ZBTB16: variants seen among roughly 807,000 people sequenced by gnomAD.
The protein encoded by ZBTB16 is zinc finger and BTB domain-containing protein 16.
Under a neutral mutation model 56.8 loss-of-function variants are expected in ZBTB16, and 8 were observed. That is an observed-to-expected ratio of 0.14 (90% CI 0.08 to 0.25). ZBTB16 has a LOEUF of 0.25. Ranked by LOEUF, ZBTB16 falls within the 10% of genes least tolerant of loss-of-function variation. The probability of loss-of-function intolerance (pLI) is 1.00; values close to 1 mark genes in which losing one functional copy is unlikely to be tolerated. For missense variants in ZBTB16, 625 were observed against 903.0 expected, an observed-to-expected ratio of 0.69 and a Z score of 3.95; for synonymous variants, 363 against 368.5, an observed-to-expected ratio of 0.98 and a Z score of 0.17.
At chr11:114,164,441 C>G (rs776783766) in intron 3 of ZBTB16, among the ~76,000 whole-genome samples, 2 of 152,184 alleles carry the variant, frequency 1.3e-5, no homozygotes, top group African/African-American at 4.8e-5. Context: ...CATTTATTCT[C>G]CTAGTCTCCC....
chr11:114,078,217 TTCA>T (rs1439061405), intron 2 of ZBTB16, among the ~76,000 whole-genome samples: 2 of 152,192 alleles, frequency 1.3e-5, no homozygotes, highest in Non-Finnish European at 2.9e-5. Flanking sequence ...CTGAGAACAT[TTCA>T]TCAAGTGGGT....
At position 114,143,481 on chromosome 11, in the gene ZBTB16, G is replaced by A. The variant is rs956667569; in HGVS notation, c.1269-12856G>A. On this transcript the variant is annotated intron_variant, in intron 2 of 6. Transcript: ENST00000335953. The surrounding 1 kb of genome is among the most constrained non-coding windows in gnomAD (Gnocchi z 6.4). Reference sequence around the variant, plus strand: ...GGAGCTACTGGGGAAGGCTTCTAGGGATGGTACTGACCCTCTTGCCTAGTG... The same window carrying A: ...GGAGCTACTGGGGAAGGCTTCTAGGAATGGTACTGACCCTCTTGCCTAGTG... 1.3e-5 allele frequency among the ~76,000 whole-genome samples: 2 copies of A among 152,312 alleles called. No homozygotes were observed. The highest frequency in any genetic ancestry group is 2.1e-4 in the South Asian group (1 of 4,826).
intron 3 of ZBTB16, among the ~76,000 whole-genome samples, chr11:114,170,691 T>C (rs777902481): frequency 2.6e-5 from 4 of 151,974 alleles, no homozygotes; most frequent in Non-Finnish European, 5.9e-5. Context: ...TCTGGGGTAG[T>C]TGGATTAAAC....
At chr11:114,140,930 C>T (rs1032171215) in intron 2 of ZBTB16, among the ~76,000 whole-genome samples, 3 of 152,202 alleles carry the variant, frequency 2.0e-5, no homozygotes, top group Non-Finnish European at 2.9e-5. Context: ...TCCCTGCCCA[C>T]GCTGAGCCTC....
intron 4 of ZBTB16, among the ~76,000 whole-genome samples, chr11:114,220,864 T>A (rs79492428): frequency 0.014 from 2,161 of 152,314 alleles, 52 homozygotes; most frequent in African/African-American, 0.049. Flanking sequence ...GTGGTGCAGG[T>A]CCTTTATTTC....
chr11:114,205,488 G>A (rs1263160135), intron 4 of ZBTB16, among the ~76,000 whole-genome samples: 1 of 152,038 alleles, frequency 6.6e-6, no homozygotes, highest in Non-Finnish European at 1.5e-5. Context: ...TGGGTCAGAC[G>A]CAATGTTCCC....
rs557118512 is a variant in ZBTB16 at position 114,114,752 on chromosome 11, T to G, written c.1269-41585T>G. Among the ~76,000 whole-genome samples, 1,087 of 151,856 alleles carry G rather than the reference T, an allele frequency of 7.2e-3. 10 individuals are homozygous for G. The highest frequency in any genetic ancestry group is 0.011 in the Non-Finnish European group (724 of 67,944). On this transcript the variant is annotated intron_variant, in intron 2 of 6. Transcript: ENST00000335953. ...TAGAGTGCAGTGGTACAATCTTGGC[T>G]CACTGCAACCTCTGCCTGCCAGGCT...
intron 4 of ZBTB16, among the ~76,000 whole-genome samples, chr11:114,192,052 C>T (rs1365905843): frequency 1.3e-5 from 2 of 152,142 alleles, no homozygotes; most frequent in African/African-American, 4.8e-5. Flanking sequence ...CTGGGCTCAG[C>T]TGGGTGGTTT....
chr11:114,213,436 C>A (rs1944035513), intron 4 of ZBTB16, among the ~76,000 whole-genome samples: 1 of 152,184 alleles, frequency 6.6e-6, no homozygotes, highest in African/African-American at 2.4e-5. Context: ...TCCCTCCATT[C>A]CCATTCACAT....
At chr11:114,150,751 A>C (rs904292731) in intron 2 of ZBTB16, among the ~76,000 whole-genome samples, 1 of 152,136 alleles carries the variant, frequency 6.6e-6, no homozygotes, top group Non-Finnish European at 1.5e-5. Context: ...CTTTCCCTTT[A>C]CTCAATTCTG....
chr11:114,166,970 T>C (rs1942774545), intron 3 of ZBTB16, among the ~76,000 whole-genome samples: 1 of 152,190 alleles, frequency 6.6e-6, no homozygotes, highest in Admixed American at 6.5e-5. Flanking sequence ...CGTGCAATAC[T>C]ATGCATTTTC....
chr11:114,148,469 C>CTCTCTCTTTCTTTCTT (rs36194689), intron 2 of ZBTB16, among the ~76,000 whole-genome samples: 4 of 60,962 alleles, frequency 6.6e-5, no homozygotes, highest in African/African-American at 1.6e-4. Context: ...CTCTCTCTCT[C>CTCTCTCTTTCTTTCTT]TCTTTCTTTC....
chr11:114,132,392 C>G (rs1433528488), intron 2 of ZBTB16, among the ~76,000 whole-genome samples: 4 of 152,188 alleles, frequency 2.6e-5, no homozygotes, highest in Non-Finnish European at 5.9e-5. Flanking sequence ...GCCATGCAGC[C>G]CAAACACACT....
intron 2 of ZBTB16, among the ~76,000 whole-genome samples, chr11:114,136,142 C>T (rs908659372): frequency 6.6e-6 from 1 of 152,230 alleles, no homozygotes; most frequent in African/African-American, 2.4e-5. Context: ...CCTTCTCAAC[C>T]TTCCTTTGCT....
At chr11:114,128,870 A>T (rs1377434975) in intron 2 of ZBTB16, among the ~76,000 whole-genome samples, 3 of 152,246 alleles carry the variant, frequency 2.0e-5, no homozygotes, top group African/African-American at 7.2e-5. Flanking sequence ...AGAGGCGGCT[A>T]CTGCAAACAC....
intron 4 of ZBTB16, among the ~76,000 whole-genome samples, chr11:114,206,335 T>C (rs930402628): frequency 3.3e-5 from 5 of 152,124 alleles, no homozygotes; most frequent in African/African-American, 1.2e-4. Flanking sequence ...TTGTCTGGGA[T>C]CACACAGCAG....
chr11:114,088,920 C>T (rs1416403900), intron 2 of ZBTB16, among the ~76,000 whole-genome samples: 2 of 152,284 alleles, frequency 1.3e-5, no homozygotes, highest in South Asian at 4.1e-4. Context: ...CCTGGGGGCC[C>T]CCCCACACAA....
At chr11:114,083,230 T>A (rs1939836056) in intron 2 of ZBTB16, among the ~76,000 whole-genome samples, 1 of 152,140 alleles carries the variant, frequency 6.6e-6, no homozygotes, top group Admixed American at 6.5e-5. Flanking sequence ...TTGTCTTTTT[T>A]AAAAAAAGAA....
At chr11:114,095,259 T>C (rs1304859641) in intron 2 of ZBTB16, among the ~76,000 whole-genome samples, 4 of 135,548 alleles carry the variant, frequency 3.0e-5, no homozygotes, top group Non-Finnish European at 4.7e-5. Context: ...TTTTTTTTTT[T>C]TTTTTTTTTT....
Sources: gnomAD v4.1 joint callset for allele counts (sites outside exome capture counted in the v4.1 genomes callset) on GRCh38, gnomAD v4.1.1 for gene constraint, Gnocchi (gnomAD v3.1) non-coding constraint, MANE v1.5 for transcripts, NCBI Gene and HGNC (gene_info 2026-07-23, HGNC 2026-07-21) for gene names.